Variants in ZNF385D observed in about 807,000 individuals in gnomAD.
ZNF385D encodes the protein zinc finger protein 659.
A neutral mutation model predicts 35.8 loss-of-function variants in ZNF385D; 15 were observed. That is an observed-to-expected ratio of 0.42 (90% confidence interval 0.28 to 0.64). The LOEUF is 0.64. Ranked by LOEUF, ZNF385D falls within the 30% of genes least tolerant of loss-of-function variation. ZNF385D has a pLI of 0.23. For missense variants in ZNF385D, 474 were observed against 494.6 expected, an observed-to-expected ratio of 0.96 and a Z score of 0.39; for synonymous variants, 212 against 186.8, an observed-to-expected ratio of 1.13 and a Z score of -1.10.
At chr3:22,038,068 A>G (rs915417237) in intron 3 of ZNF385D, among the ~76,000 whole-genome samples, 1 of 152,170 alleles carries the variant, frequency 6.6e-6, no homozygotes, top group African/African-American at 2.4e-5. Context: ...ACCTTATACA[A>G]AAATTAATTC....
chr3:21,566,419 A>AGTT (rs2063149180), intron 2 of ZNF385D, among the ~76,000 whole-genome samples: 1 of 152,018 alleles, frequency 6.6e-6, no homozygotes, highest in Admixed American at 6.6e-5. Context: ...TGAGGTCAGG[A>AGTT]GTTGGAGACC....
chr3:21,695,910 T>C (rs1251312193), intron 1 of ZNF385D, among the ~76,000 whole-genome samples: 2 of 152,188 alleles, frequency 1.3e-5, no homozygotes, highest in African/African-American at 2.4e-5. Context: ...TTTGTAATTA[T>C]AAAGATAATT....
chr3:22,267,129 G>C (rs555418923), intron 2 of ZNF385D, among the ~76,000 whole-genome samples: 1 of 151,900 alleles, frequency 6.6e-6, no homozygotes, highest in Non-Finnish European at 1.5e-5. Context: ...CTAACTCACT[G>C]CTTTCATCAG....
At chr3:22,057,725 G>C (rs1699480042) in intron 3 of ZNF385D, among the ~76,000 whole-genome samples, 1 of 151,992 alleles carries the variant, frequency 6.6e-6, no homozygotes, top group African/African-American at 2.4e-5. Flanking sequence ...TGTTGGTCAG[G>C]CTGGTCTCGA....
At chr3:22,099,095 A>G (rs1316447635) in intron 3 of ZNF385D, among the ~76,000 whole-genome samples, 4 of 152,134 alleles carry the variant, frequency 2.6e-5, no homozygotes, top group Non-Finnish European at 5.9e-5. Flanking sequence ...TACTACTTAA[A>G]TAAAATATGG....
chr3:22,213,239 A>ATGT (rs1263442685), intron 2 of ZNF385D, among the ~76,000 whole-genome samples: 1 of 152,028 alleles, frequency 6.6e-6, no homozygotes, highest in Non-Finnish European at 1.5e-5. Context: ...AAGGACAGAT[A>ATGT]GGCTTTGTGG....
At chr3:21,772,350 G>T (rs1003128977) in intron 3 of ZNF385D, among the ~76,000 whole-genome samples, 2 of 151,398 alleles carry the variant, frequency 1.3e-5, no homozygotes, top group Admixed American at 6.6e-5. Context: ...TTAATAGCCA[G>T]AATATAGAGA....
intron 3 of ZNF385D, among the ~76,000 whole-genome samples, chr3:21,870,417 T>C (rs1157428430): frequency 5.9e-5 from 9 of 152,186 alleles, no homozygotes; most frequent in African/African-American, 2.2e-4. Context: ...GATGCTCTTC[T>C]ACCCAGTGTG....
chr3:22,310,764 ATGAT>A (rs1450820968), intron 2 of ZNF385D, among the ~76,000 whole-genome samples: 1 of 151,882 alleles, frequency 6.6e-6, no homozygotes, highest in Non-Finnish European at 1.5e-5. Flanking sequence ...TAGAACTTTT[ATGAT>A]TGATAAGCTT....
At chr3:21,566,890 T>A (rs933714653) in intron 2 of ZNF385D, among the ~76,000 whole-genome samples, 7 of 152,154 alleles carry the variant, frequency 4.6e-5, no homozygotes, top group African/African-American at 1.7e-4. Flanking sequence ...CTGCTTTCTA[T>A]GTATTTTTCC....
chr3:22,046,692 C>G (rs1699024961), intron 3 of ZNF385D, among the ~76,000 whole-genome samples: 2 of 152,128 alleles, frequency 1.3e-5, no homozygotes, highest in East Asian at 3.9e-4. Flanking sequence ...TTAATTCGCT[C>G]AAGAAAAGTT....
chr3:21,854,966 C>G (rs1034852800), intron 3 of ZNF385D, among the ~76,000 whole-genome samples: 3 of 151,814 alleles, frequency 2.0e-5, no homozygotes, highest in Non-Finnish European at 4.4e-5. Context: ...CATTAAGTAC[C>G]TACTTTGTAC....
At chr3:22,034,542 G>A (rs1698197888) in intron 3 of ZNF385D, among the ~76,000 whole-genome samples, 1 of 152,136 alleles carries the variant, frequency 6.6e-6, no homozygotes, top group Non-Finnish European at 1.5e-5. Context: ...AATTTAAAAT[G>A]AGGAAAAAAG....
At chr3:21,922,136 G>T (rs574652166) in intron 3 of ZNF385D, among the ~76,000 whole-genome samples, 1 of 143,578 alleles carries the variant, frequency 7.0e-6, no homozygotes, top group African/African-American at 2.7e-5. Flanking sequence ...AGAAATCATA[G>T]ATAACATGAC....
chr3:21,578,923 C>T (rs2125699106), intron 2 of ZNF385D, among the ~76,000 whole-genome samples: 1 of 152,090 alleles, frequency 6.6e-6, no homozygotes, highest in Admixed American at 6.6e-5. Context: ...ATAAATGATG[C>T]CTGATTATCT....
At chr3:21,831,507 G>A (rs932480776) in intron 3 of ZNF385D, among the ~76,000 whole-genome samples, 3 of 152,096 alleles carry the variant, frequency 2.0e-5, no homozygotes, top group African/African-American at 4.8e-5. Flanking sequence ...GGCGGTGCTC[G>A]AACTTAAACT....
In ZNF385D at chr3:22,168,840, T is replaced by G. The variant is rs1368108748; in HGVS notation, c.302A>C (p.Asn101Thr). ...ACCATTGTCATTTTTCAGCGTCCCA[T>G]TGCTGAGTTGTTTTAATCTCTTTTG... Residue 101 changes from asparagine to threonine, a missense_variant, in exon 3 of 6, where the codon AAT becomes ACT. Transcript: ENST00000494108. 1.6e-5 allele frequency: 16 copies of G among 985,764 alleles called. No homozygotes were observed. The South Asian group carries it at 6.6e-4, about 41-fold the overall frequency. 61.1% of individuals were successfully genotyped at this position (985,764 alleles called of 1,614,324 possible).
At chr3:22,296,802 T>C (rs933853899) in intron 2 of ZNF385D, among the ~76,000 whole-genome samples, 1 of 152,140 alleles carries the variant, frequency 6.6e-6, no homozygotes, top group African/African-American at 2.4e-5. Flanking sequence ...AGCATGGTGG[T>C]TGGCTTCTCT....
At chr3:21,741,706 T>G (rs1239607756) in intron 1 of ZNF385D, among the ~76,000 whole-genome samples, 1 of 152,046 alleles carries the variant, frequency 6.6e-6, no homozygotes, top group Non-Finnish European at 1.5e-5. Context: ...CATGGAGGAA[T>G]AGATAAAAAT....
Sources: allele counts gnomAD v4.1 joint callset (sites outside exome capture counted in the v4.1 genomes callset), GRCh38; gene constraint gnomAD v4.1.1; transcripts MANE v1.5; gene names NCBI Gene and HGNC (gene_info 2026-07-23, HGNC 2026-07-21).